TUSC3: variants seen among roughly 807,000 people sequenced by gnomAD.
The protein encoded by TUSC3 is tumor suppressor candidate 3.
TUSC3 carries 45 observed loss-of-function variants against 44.8 expected under a neutral mutation model. The ratio of observed to expected loss-of-function variants is 1.00; its 90% CI spans 0.79 to 1.29. TUSC3 has a LOEUF of 1.29. Among genes scored for constraint, TUSC3 ranks in the 50% most tolerant of loss-of-function variants. The pLI, the probability that TUSC3 is intolerant of heterozygous loss-of-function variation, is 0.00. For synonymous variants in TUSC3, 212 were observed against 152.9 expected (o/e 1.39, Z -2.85); for missense variants, 519 against 437.9 (o/e 1.19, Z -1.65).
intron 1 of TUSC3, among the ~76,000 whole-genome samples, chr8:15,565,044 G>C (rs1802612824): frequency 6.6e-6 from 1 of 152,112 alleles, no homozygotes; most frequent in African/African-American, 2.4e-5. Context: ...CAAATTTAGA[G>C]GCTTAAAACA....
At chr8:15,626,684 G>C (rs754480533) in intron 2 of TUSC3, among the ~76,000 whole-genome samples, 1 of 152,212 alleles carries the variant, frequency 6.6e-6, no homozygotes. Context: ...GCTCTTGGTG[G>C]CTGCTCCAGT....
Position 15,708,026 on chromosome 8 carries a change from T to C in TUSC3, c.799-22640T>C, listed in dbSNP as rs117681113. 9.9e-3 allele frequency among the ~76,000 whole-genome samples: 1,505 copies of C among 152,040 alleles called. 9 individuals carry two copies. The highest frequency in any genetic ancestry group is 0.027 in the Middle Eastern group (8 of 294). On this transcript the variant is annotated intron_variant, in intron 6 of 10. Coordinates refer to ENST00000503731, the MANE Select transcript of TUSC3 (RefSeq NM_006765.4). ...CTGTGCTTCTCTTTGTATCCTTTTC[T>C]GTCTCTTATAAAGTTATAAAGATAC...
At chr8:15,642,740 C>G (rs966175554) in intron 2 of TUSC3, among the ~76,000 whole-genome samples, 17 of 151,968 alleles carry the variant, frequency 1.1e-4, no homozygotes, top group African/African-American at 4.1e-4. Flanking sequence ...CATGATAGTT[C>G]CTGGGCATGT....
intron 6 of TUSC3, among the ~76,000 whole-genome samples, chr8:15,704,679 C>T (rs1305296979): frequency 1.3e-5 from 2 of 151,994 alleles, no homozygotes; most frequent in African/African-American, 4.8e-5. Flanking sequence ...CCCACTGCCC[C>T]TGTGTCTGTC....
intron 1 of TUSC3, among the ~76,000 whole-genome samples, chr8:15,617,361 A>G (rs553813947): frequency 5.9e-5 from 9 of 151,640 alleles, no homozygotes; most frequent in African/African-American, 2.2e-4. Context: ...GGTGGTCTCG[A>G]ACTCCTGACC....
At chr8:15,839,543 G>A in the TUSC3 span, among the ~76,000 whole-genome samples, 29 of 151,838 alleles carry the variant, frequency 1.9e-4, no homozygotes, top group African/African-American at 6.0e-4. Context: ...AAAAACAAAC[G>A]ACCCCATCAA....
intron 2 of TUSC3, among the ~76,000 whole-genome samples, chr8:15,520,748 A>T (rs979559614): frequency 1.3e-5 from 2 of 152,208 alleles, no homozygotes; most frequent in African/African-American, 4.8e-5. Context: ...CTTTACCCAC[A>T]AGAAATTTCC....
chr8:15,766,974 C>G (rs1812349679), downstream of TUSC3, among the ~76,000 whole-genome samples: 1 of 152,068 alleles, frequency 6.6e-6, no homozygotes, highest in Non-Finnish European at 1.5e-5. Context: ...ACTCAATGTT[C>G]TCAAAGTCCA....
intron 2 of TUSC3, among the ~76,000 whole-genome samples, chr8:15,488,304 C>T (rs952058740): frequency 2.0e-5 from 3 of 151,308 alleles, no homozygotes; most frequent in Non-Finnish European, 4.4e-5. Flanking sequence ...CAGGACCAGC[C>T]TGAACAACAT....
chr8:15,598,752 A>T (rs546472107), intron 1 of TUSC3, among the ~76,000 whole-genome samples: 7 of 151,466 alleles, frequency 4.6e-5, no homozygotes, highest in Non-Finnish European at 8.9e-5. Context: ...AGTTTTCTCT[A>T]TGTTTTTTCA....
At chr8:15,449,604 T>C (rs1380169614) in intron 1 of TUSC3, among the ~76,000 whole-genome samples, 1 of 152,066 alleles carries the variant, frequency 6.6e-6, no homozygotes, top group East Asian at 1.9e-4. Context: ...CTAATGGAGG[T>C]TATTGAGGGA....
chr8:15,748,319 T>C (rs1282890423), intron 8 of TUSC3, 56 bp from the exon 9 acceptor site: 5 of 1,264,488 alleles, frequency 4.0e-6, no homozygotes, highest in Non-Finnish European at 5.8e-6. Context: ...ATATAAACAA[T>C]TGGGGTTTCA....
intron 1 of TUSC3, among the ~76,000 whole-genome samples, chr8:15,549,325 C>T (rs1801974772): frequency 6.6e-6 from 1 of 151,622 alleles, no homozygotes. Flanking sequence ...AGGCGCACGC[C>T]ACCACATCTG....
downstream of TUSC3, among the ~76,000 whole-genome samples, chr8:15,768,559 A>G (rs922327764): frequency 6.6e-6 from 1 of 152,146 alleles, no homozygotes; most frequent in Non-Finnish European, 1.5e-5. Flanking sequence ...TGGACAAACA[A>G]CTAAAGGAAA....
intron 1 of TUSC3, among the ~76,000 whole-genome samples, chr8:15,435,052 G>A (rs1266450357): frequency 1.3e-5 from 2 of 148,376 alleles, no homozygotes; most frequent in East Asian, 1.9e-4. Context: ...TATATACCCA[G>A]TAATGGGATG....
chr8:15,511,828 G>A (rs1310453045), intron 2 of TUSC3, among the ~76,000 whole-genome samples: 1 of 151,568 alleles, frequency 6.6e-6, no homozygotes, highest in East Asian at 1.9e-4. Flanking sequence ...CCAAGATTGC[G>A]CCACTGTACT....
chr8:15,650,999 AC>A, intron 3 of TUSC3, 185 bp downstream of exon 3: 1 of 553,508 alleles, frequency 1.8e-6, no homozygotes, highest in Non-Finnish European at 3.2e-6. Context: ...ACACACACAC[AC>A]ACACACACAC....
Position 15,427,079 on chromosome 8 carries a change from G to GTT in TUSC3, n.91+9783_91+9784dup, listed in dbSNP as rs56268327. 3.7e-3 allele frequency among the ~76,000 whole-genome samples: 525 copies of GTT among 143,262 alleles called. 3 individuals are homozygous for GTT. The highest frequency in any genetic ancestry group is 0.012 in the African/African-American group (476 of 39,314). 94.0% of individuals were successfully genotyped at this position (143,262 alleles called of 152,430 possible). A position where few individuals can be genotyped will look rare whatever the true frequency, so the allele number is the denominator to read the frequency against. On this transcript the variant is annotated intron_variant and non_coding_transcript_variant, in intron 1 of 5. Coordinates refer to the TUSC3 transcript ENST00000503191. Reference sequence around the variant, plus strand: ...AGTTTTTGTTTGTTGTTTGGTGTTTGTTTTTTTTTTGCCATTGATTTGTAA... The same window carrying GTT: ...AGTTTTTGTTTGTTGTTTGGTGTTTGTTTTTTTTTTTTGCCATTGATTTGTAA...
At chr8:15,606,052 C>A (rs774606494) in intron 1 of TUSC3, among the ~76,000 whole-genome samples, 1 of 151,874 alleles carries the variant, frequency 6.6e-6, no homozygotes, top group Non-Finnish European at 1.5e-5. Context: ...ATAGTGTAAA[C>A]CTTGAATAAC....
Sources: gnomAD v4.1 joint callset for allele counts (sites outside exome capture counted in the v4.1 genomes callset) on GRCh38, gnomAD v4.1.1 for gene constraint, MANE v1.5 for transcripts, NCBI Gene and HGNC (gene_info 2026-07-23, HGNC 2026-07-21) for gene names.